The following CAPN3 variants were observed in gnomAD, a reference collection of about 807,000 sequenced individuals.
CAPN3 encodes calpain-3.
A neutral mutation model predicts 114.0 loss-of-function variants in CAPN3; 88 were observed. That is an observed-to-expected ratio of 0.77 (90% confidence interval 0.65 to 0.92). The LOEUF is 0.92. Among genes scored for constraint, CAPN3 ranks in the 40% least tolerant of loss-of-function variants. The pLI is 0.00. For missense variants in CAPN3, 1,028 were observed against 1,069.0 expected (o/e 0.96, Z 0.53); for synonymous variants, 386 against 382.9 (o/e 1.01, Z -0.09).
chr15:42,393,697 G>A lies in CAPN3; in HGVS notation c.1030-559G>A, dbSNP rs183113774. ...CAATGTCCGCCTCCTGGATTCAAGC[G>A]ATTTTCCTGCCTCAGCCTCCTGAGT... On this transcript the variant is annotated intron_variant, in intron 7 of 23. Coordinates refer to ENST00000397163, the MANE Select transcript of CAPN3 (RefSeq NM_000070.3). Among the ~76,000 whole-genome samples the A allele has an allele frequency of 3.4e-4, 51 of 151,684 alleles. No individual in the cohort carries two copies. The East Asian group carries it at 8.9e-3, about 27-fold the overall frequency.
chr15:42,371,450 G>T (rs1454524552), intron 1 of CAPN3, among the ~76,000 whole-genome samples: 2 of 152,082 alleles, frequency 1.3e-5, no homozygotes, highest in African/African-American at 4.8e-5. Flanking sequence ...TATAAATAAG[G>T]CAAAGCATCT....
Position 42,374,794 on chromosome 15 carries a change from CTT to C in CAPN3, c.310-9666_310-9665del, listed in dbSNP as rs66487749. Among the ~76,000 whole-genome samples the C allele has an allele frequency of 2.8e-3, 235 of 85,432 alleles. 1 individual carries two copies. The highest frequency in any genetic ancestry group is 9.3e-3 in the African/African-American group (190 of 20,476). The allele number at this position is 85,432 out of a possible 152,430, so 56.0% of individuals were successfully genotyped here. ...TGCATTGTAATCGAATATCATGTCTCTTTTTTTTTTTTTTTTTTTTTTTTGAG... is the reference window on the plus strand; with the variant it reads ...TGCATTGTAATCGAATATCATGTCTCTTTTTTTTTTTTTTTTTTTTTTGAG... On this transcript the variant is annotated intron_variant, in intron 1 of 23. Transcript: ENST00000397163.
In CAPN3 at chr15:42,402,893, C is replaced by T. The variant is rs372438001; in HGVS notation, c.1636C>T (p.Arg546Cys). 22 of 1,613,994 alleles carry T rather than the reference C, an allele frequency of 1.4e-5. No individual in the cohort carries two copies. Among genetic ancestry groups the T allele is most frequent in the Admixed American group, 8.3e-5 (5 of 60,006 alleles). Residue 546 changes from arginine (R) to cysteine (C), a missense_variant, in exon 13 of 24, where the codon CGC becomes TGC. Transcript: ENST00000397163. ...TYINMREVSQ[R>C]FRLPPSEYVI... is the part of the protein sequence containing the mutation. Reference sequence around the variant, plus strand: ...CATCAACATGCGGGAGGTGTCCCAGCGCTTCCGCCTGCCTCCCAGCGAGTA... The same window carrying T: ...CATCAACATGCGGGAGGTGTCCCAGTGCTTCCGCCTGCCTCCCAGCGAGTA...
intron 4 of CAPN3, among the ~76,000 whole-genome samples, chr15:42,388,601 C>T (rs769900444): frequency 4.6e-5 from 7 of 152,064 alleles, no homozygotes; most frequent in Middle Eastern, 3.2e-3. Flanking sequence ...GCCACCACAC[C>T]GGCAGCTGCT....
intron 1 of CAPN3, among the ~76,000 whole-genome samples, chr15:42,375,734 C>T (rs1216389912): frequency 2.6e-5 from 4 of 152,174 alleles, no homozygotes; most frequent in East Asian, 1.9e-4. Flanking sequence ...ATATACCTTG[C>T]AGCCATTTCT....
In CAPN3 at chr15:42,399,614, T is replaced by C. The variant is rs971520825; in HGVS notation, c.1316T>C (p.Val439Ala). Residue 439 changes from valine (V) to alanine (A), a missense_variant, in exon 10 of 24, where the codon GTA becomes GCA. Transcript: ENST00000397163. The stretch of plus-strand genomic sequence containing the variant: ...GTGTCTGTGAACGAGGGCCGCTGGG[T>C]ACGGGGTTGCTCTGCCGGAGGCTGC... ...WTVSVNEGRW[V>A]RGCSAGGCRN... 6.2e-7 allele frequency: 1 copy of C among 1,612,210 alleles called. No homozygotes were observed. Among genetic ancestry groups the C allele is most frequent in the African/African-American group, 1.3e-5 (1 of 74,876 alleles).
Position 42,359,684 on chromosome 15 carries a change from G to GAAC in CAPN3, c.-122_-121insAAC. ...ATGGGCTTTCAACTTTGAACTGGAT[G>GAAC]TGGACACTTTTCTCTCAGATGACAG... On this transcript the variant is annotated 5_prime_UTR_variant, in exon 1 of 24. Transcript: ENST00000397163. The GAAC allele has an allele frequency of 6.4e-7, 1 of 1,565,942 alleles. No individual in the cohort carries two copies. Among genetic ancestry groups the GAAC allele is most frequent in the Non-Finnish European group, 8.6e-7 (1 of 1,160,118 alleles).
chr15:42,394,156 A>G (rs1161500771), intron 7 of CAPN3, 100 bp from the exon 8 acceptor site: 1 of 1,081,166 alleles, frequency 9.2e-7, no homozygotes, highest in Non-Finnish European at 1.4e-6. Context: ...ACCCTCGCGT[A>G]AGAGATTTGC....
rs886043191 is a variant in CAPN3 at position 42,410,931 on chromosome 15, G to A, written c.2311G>A (p.Ala771Thr). The A allele has an allele frequency of 2.5e-5, 41 of 1,614,028 alleles. No individual in the cohort carries two copies. Among genetic ancestry groups the A allele is most frequent in the African/African-American group, 2.3e-4 (17 of 74,924 alleles). The change falls in exon 22 of 24, where the codon GCA (alanine) becomes ACA (threonine). Residue 771 changes from alanine to threonine, a missense_variant. Coordinates refer to ENST00000397163, the MANE Select transcript of CAPN3 (RefSeq NM_000070.3). ...QLYDIITMRY[A>T]DKHMNIDFDS... is the part of the protein sequence containing the mutation. ...CTATGACATCATTACCATGCGGTAC[G>A]CAGACAAACACATGAACATCGACTT...
chr15:42,410,072 C>A, intron 19 of CAPN3, 77 bp downstream of exon 19: 2 of 1,319,738 alleles, frequency 1.5e-6, no homozygotes, highest in Non-Finnish European at 2.2e-6. Context: ...GGTGCCCAGT[C>A]AGGCAAAGGG....
chr15:42,392,319 C>T (rs1338699343), intron 6 of CAPN3, among the ~76,000 whole-genome samples: 3 of 152,168 alleles, frequency 2.0e-5, no homozygotes, highest in Non-Finnish European at 2.9e-5. Flanking sequence ...AACTCTACCC[C>T]TTCCTCCTTT....
chr15:42,399,880 G>A (rs549991550), intron 10 of CAPN3, among the ~76,000 whole-genome samples: 5 of 152,310 alleles, frequency 3.3e-5, no homozygotes, highest in Admixed American at 1.3e-4. Flanking sequence ...CTTGACTTAC[G>A]ATGAGGTTAT....
chr15:42,408,838 C>T, intron 16 of CAPN3: 1 of 281,856 alleles, frequency 3.5e-6, no homozygotes, highest in Non-Finnish European at 6.9e-6. Context: ...GGGGGCCCCT[C>T]TTCTATCCAG....
At position 42,387,946 on chromosome 15, in the gene CAPN3, C is replaced by G. The variant is rs180974092; in HGVS notation, c.632+60C>G. 4.4e-4 allele frequency: 709 copies of G among 1,601,340 alleles called. 2 individuals carry two copies. The East Asian group carries it at 0.014, about 32-fold the overall frequency. On this transcript the variant is annotated intron_variant, in intron 4 of 23. Coordinates refer to ENST00000397163, the MANE Select transcript of CAPN3 (RefSeq NM_000070.3). ...AGGTGAGAAAGTGGGTTGCAAAATC[C>G]AGCCGAGACCTCACTCACAGGAAGA... is the stretch of plus-strand genomic sequence containing the variant.
chr15:42,400,888 A>G (rs2053844360), intron 10 of CAPN3, among the ~76,000 whole-genome samples: 1 of 151,898 alleles, frequency 6.6e-6, no homozygotes, highest in Admixed American at 6.6e-5. Flanking sequence ...CTCAAAAAAT[A>G]TTTGAGGAAT....
rs1414776544 is a variant in CAPN3 at position 42,389,953 on chromosome 15, G to T, written c.802G>T (p.Asp268Tyr). The change falls in exon 6 of 24, where the codon GAT becomes TAT. Residue 268 changes from aspartate (D) to tyrosine (Y), a missense_variant and splice_region_variant. Asp to Tyr is a radical substitution (Grantham distance 160). Transcript: ENST00000397163. ...RGSLMGCSIDDGTNMTYGTSP... is the reference protein window; with the variant it reads ...RGSLMGCSIDYGTNMTYGTSP... ...CCCTACATTCTCCATCGGGCCTCAG[G>T]ATGGCACGAACATGACCTATGGAAC... The T allele has an allele frequency of 6.2e-7, 1 of 1,613,968 alleles. No individual in the cohort carries two copies. The highest frequency in any genetic ancestry group is 1.1e-5 in the South Asian group (1 of 91,074).
In CAPN3 at chr15:42,409,827, A is replaced by G; in HGVS notation, c.2033A>G (p.Asn678Ser). The G allele has an allele frequency of 6.6e-7, 1 of 1,508,578 alleles. No homozygotes were observed. The allele number at this position is 1,508,578 out of a possible 1,614,324, so 93.4% of individuals were successfully genotyped here. A position where few individuals can be genotyped will look rare whatever the true frequency, so the allele number is the denominator to read the frequency against. ...GCAGATGAGCTCAAGAAGGTCCTTA[A>G]CACAGTCGTGAACAAACGTGAGTTG... is the stretch of plus-strand genomic sequence containing the variant. ...ICADELKKVLNTVVNKHKDLK... is the reference protein window; with the variant it reads ...ICADELKKVLSTVVNKHKDLK... The change falls in exon 18 of 24, where the codon AAC (asparagine) becomes AGC (serine). Residue 678 changes from asparagine (N) to serine (S), a missense_variant. By Grantham distance (46) the Asn-to-Ser change is conservative (BLOSUM62 1). Transcript: ENST00000397163.
chr15:42,390,000 G>T lies in CAPN3; in HGVS notation c.849G>T (p.Met283Ile). The change falls in exon 6 of 24, where the codon ATG becomes ATT. Residue 283 changes from methionine (M) to isoleucine (I), a missense_variant. By Grantham distance (10) the Met-to-Ile change is conservative. Coordinates refer to ENST00000397163, the MANE Select transcript of CAPN3 (RefSeq NM_000070.3). ...GAACCTCTCCTTCTGGTCTGAACAT[G>T]GGGGAGTTGATTGCACGGATGGTAA... is the stretch of plus-strand genomic sequence containing the variant. ...TYGTSPSGLN[M>I]GELIARMVRN... 1 of 1,614,048 alleles carries T rather than the reference G, an allele frequency of 6.2e-7. No homozygotes were observed. The highest frequency in any genetic ancestry group is 1.1e-5 in the South Asian group (1 of 91,080).
chr15:42,391,988 A>AC (rs541389647), intron 6 of CAPN3, among the ~76,000 whole-genome samples: 4 of 151,690 alleles, frequency 2.6e-5, no homozygotes, highest in East Asian at 1.9e-4. Flanking sequence ...ACATGGTGAA[A>AC]CCCCGTTTCT....
Sources: allele counts gnomAD v4.1 joint callset (sites outside exome capture counted in the v4.1 genomes callset), GRCh38; gene constraint gnomAD v4.1.1; transcripts MANE v1.5; gene names NCBI Gene and HGNC (gene_info 2026-07-23, HGNC 2026-07-21).